Variants in ATRNL1 observed in about 807,000 individuals in gnomAD.
ATRNL1 encodes attractin like 1.
Under a neutral mutation model 182.7 loss-of-function variants are expected in ATRNL1, and 95 were observed. That is an observed-to-expected ratio of 0.52 (90% CI 0.44 to 0.62). The LOEUF (loss-of-function observed/expected upper bound fraction) is 0.62, where lower values mean the gene tolerates loss of function less well. ATRNL1 is among the 20% of genes least tolerant of loss of function. ATRNL1 has a pLI of 0.00. For synonymous variants in ATRNL1, 576 were observed against 568.3 expected, an observed-to-expected ratio of 1.01 and a Z score of -0.19; for missense variants, 1,471 against 1,679.5, an observed-to-expected ratio of 0.88 and a Z score of 2.17.
chr10:115,233,642 T>C (rs1370133966), intron 9 of ATRNL1, among the ~76,000 whole-genome samples: 11 of 152,144 alleles, frequency 7.2e-5, no homozygotes, highest in African/African-American at 2.7e-4. Flanking sequence ...CTAAGAATGA[T>C]GTTCATTGTG....
intron 28 of ATRNL1, among the ~76,000 whole-genome samples, chr10:115,905,933 A>G (rs1952489549): frequency 6.6e-6 from 1 of 152,228 alleles, no homozygotes; most frequent in Admixed American, 6.5e-5. Context: ...TTAGTTGAAG[A>G]ATAGCCTGGT....
intron 27 of ATRNL1, among the ~76,000 whole-genome samples, chr10:115,815,005 T>C (rs1217728185): frequency 5.3e-5 from 8 of 152,198 alleles, no homozygotes; most frequent in African/African-American, 1.9e-4. Context: ...GTAACATACC[T>C]GATCAAGTTA....
chr10:115,828,896 A>T (rs1211818039), intron 27 of ATRNL1, among the ~76,000 whole-genome samples: 1 of 152,192 alleles, frequency 6.6e-6, no homozygotes, highest in African/African-American at 2.4e-5. Context: ...TAAAAAATGT[A>T]ATGTCCCATT....
intron 21 of ATRNL1, among the ~76,000 whole-genome samples, chr10:115,433,097 A>T (rs1846244470): frequency 1.3e-5 from 2 of 152,144 alleles, no homozygotes; most frequent in Admixed American, 1.3e-4. Context: ...ACTCTTTAAA[A>T]AATTACTGTT....
intron 26 of ATRNL1, among the ~76,000 whole-genome samples, chr10:115,662,492 A>G (rs1555038288): frequency 6.6e-6 from 1 of 152,118 alleles, no homozygotes; most frequent in East Asian, 1.9e-4. Context: ...TTATCTAATT[A>G]TGTTGGTGGT....
chr10:115,238,911 C>G (rs1850294355), intron 9 of ATRNL1, among the ~76,000 whole-genome samples: 1 of 151,998 alleles, frequency 6.6e-6, no homozygotes. Flanking sequence ...CCCTCTATTC[C>G]TAGTTTGCTG....
intron 18 of ATRNL1, among the ~76,000 whole-genome samples, chr10:115,317,937 A>G (rs1405209888): frequency 2.0e-5 from 3 of 152,022 alleles, no homozygotes; most frequent in Non-Finnish European, 2.9e-5. Context: ...ACCATGTTGG[A>G]TAGGAGTGGT....
chr10:115,290,350 G>A (rs1209244266), intron 15 of ATRNL1, among the ~76,000 whole-genome samples: 2 of 152,060 alleles, frequency 1.3e-5, no homozygotes, highest in Non-Finnish European at 2.9e-5. Context: ...AGACACACAA[G>A]GAGTGAAATT....
At chr10:115,492,375 A>G (rs1488360604) in intron 24 of ATRNL1, among the ~76,000 whole-genome samples, 4 of 151,950 alleles carry the variant, frequency 2.6e-5, no homozygotes, top group Non-Finnish European at 5.9e-5. Flanking sequence ...TTACATTGCT[A>G]ATGTTTTGAA....
intron 26 of ATRNL1, among the ~76,000 whole-genome samples, chr10:115,582,903 A>G (rs1319325899): frequency 6.6e-6 from 1 of 150,450 alleles, no homozygotes; most frequent in Non-Finnish European, 1.5e-5. Context: ...TCTTTAATCC[A>G]TCTTGAATTG....
At chr10:115,367,850 A>G (rs1424828160) in intron 19 of ATRNL1, among the ~76,000 whole-genome samples, 3 of 147,472 alleles carry the variant, frequency 2.0e-5, no homozygotes, top group African/African-American at 7.5e-5. Context: ...GGGGTCAGGG[A>G]CCCACTTGAG....
chr10:115,926,732 G>T (rs1555120356), intron 28 of ATRNL1, among the ~76,000 whole-genome samples: 2 of 152,028 alleles, frequency 1.3e-5, no homozygotes, highest in African/African-American at 2.4e-5. Flanking sequence ...TCCCTGAATA[G>T]ACCAATAACA....
chr10:115,470,640 A>G (rs1314745811), intron 24 of ATRNL1, among the ~76,000 whole-genome samples: 1 of 150,606 alleles, frequency 6.6e-6, no homozygotes, highest in East Asian at 1.9e-4. Context: ...TAGTTATTTT[A>G]GAATGTTTTT....
chr10:115,412,643 AG>A, intron 20 of ATRNL1, among the ~76,000 whole-genome samples: 1 of 152,306 alleles, frequency 6.6e-6, no homozygotes, highest in African/African-American at 2.4e-5. Flanking sequence ...TTTTCAGACT[AG>A]GAAGGAGATT....
At chr10:115,864,870 T>A (rs189830916) in intron 28 of ATRNL1, among the ~76,000 whole-genome samples, 1 of 151,706 alleles carries the variant, frequency 6.6e-6, no homozygotes, top group Non-Finnish European at 1.5e-5. Context: ...TAGTCCCAGC[T>A]ACTTGGGAGG....
chr10:115,097,940 AAAC>A (rs1237452934), intron 1 of ATRNL1, among the ~76,000 whole-genome samples: 2 of 152,190 alleles, frequency 1.3e-5, no homozygotes, highest in Admixed American at 6.5e-5. Context: ...AAACAAAAAT[AAAC>A]AACAACAACA....
chr10:115,467,860 G>GT (rs1209501675), intron 23 of ATRNL1, among the ~76,000 whole-genome samples: 1 of 150,362 alleles, frequency 6.7e-6, no homozygotes, highest in Non-Finnish European at 1.5e-5. Flanking sequence ...TTTAATTTTA[G>GT]TTTTACTTTT....
At chr10:115,742,391 T>C (rs1555067899) in intron 27 of ATRNL1, among the ~76,000 whole-genome samples, 1 of 152,078 alleles carries the variant, frequency 6.6e-6, no homozygotes, top group African/African-American at 2.4e-5. Context: ...GAAAGTACAT[T>C]TTGAGCCTTT....
chr10:115,618,016 C>T (rs1555021402), intron 26 of ATRNL1, among the ~76,000 whole-genome samples: 1 of 152,074 alleles, frequency 6.6e-6, no homozygotes, highest in African/African-American at 2.4e-5. Flanking sequence ...AAGTGTGTAG[C>T]ACCTCCCCCA....
Sources: allele counts gnomAD v4.1 joint callset (sites outside exome capture counted in the v4.1 genomes callset), GRCh38; gene constraint gnomAD v4.1.1; transcripts MANE v1.5; gene names NCBI Gene and HGNC (gene_info 2026-07-23, HGNC 2026-07-21).